HECW2: variants seen among roughly 807,000 people sequenced by gnomAD.
The protein encoded by HECW2 is E3 ubiquitin-protein ligase HECW2.
HECW2 carries 61 observed loss-of-function variants against 175.2 expected under a neutral mutation model. The observed-to-expected ratio is 0.35, with a 90% CI of 0.28 to 0.43. The LOEUF is 0.43. Ranked by LOEUF, HECW2 falls within the 20% of genes least tolerant of loss-of-function variation. HECW2 has a pLI of 1.00. For missense variants in HECW2, 1,524 were observed against 2,000.5 expected (o/e 0.76, Z 4.54); for synonymous variants, 671 against 731.0 (o/e 0.92, Z 1.32).
chr2:196,441,229 C>T (rs1696030886), intron 1 of HECW2, among the ~76,000 whole-genome samples: 1 of 152,150 alleles, frequency 6.6e-6, no homozygotes, highest in Admixed American at 6.5e-5. Flanking sequence ...TACTGAAAAA[C>T]ATTGTCAGAG....
chr2:196,534,673 T>A (rs1035866702), intron 1 of HECW2, among the ~76,000 whole-genome samples: 1 of 152,140 alleles, frequency 6.6e-6, no homozygotes, highest in African/African-American at 2.4e-5. Flanking sequence ...GATATAAATT[T>A]TTCAAAGAGC....
intron 1 of HECW2, among the ~76,000 whole-genome samples, chr2:196,522,141 T>C (rs868119314): frequency 0.012 from 1,835 of 151,250 alleles, 40 homozygotes; most frequent in African/African-American, 0.043. Context: ...CTCTCCAGCA[T>C]CTGTTGTTTC....
At chr2:196,544,659 A>T (rs1466499039) in intron 1 of HECW2, among the ~76,000 whole-genome samples, 2 of 152,230 alleles carry the variant, frequency 1.3e-5, no homozygotes, top group East Asian at 3.9e-4. Flanking sequence ...CAGCAAGTCA[A>T]ATCACAGGTC....
intron 2 of HECW2, among the ~76,000 whole-genome samples, chr2:196,400,670 T>C (rs1694792507): frequency 6.6e-6 from 1 of 152,148 alleles, no homozygotes; most frequent in South Asian, 2.1e-4. Flanking sequence ...TTGAAAATCA[T>C]GAAAACCTTA....
chr2:196,274,134 A>C lies in HECW2; in HGVS notation c.3136-11T>G. 6.2e-7 allele frequency: 1 copy of C among 1,603,882 alleles called. No individual in the cohort carries two copies. Among genetic ancestry groups the C allele is most frequent in the Non-Finnish European group, 8.5e-7 (1 of 1,170,824 alleles). On this transcript the variant is annotated splice_polypyrimidine_tract_variant and intron_variant, in intron 15 of 28. Transcript: ENST00000644978. ...AGAATCTTCTCCTACCTGCAAACAG[A>C]AGCATCATTTATGTTCTGCACCAAG...
At chr2:196,466,569 G>T (rs1696962933) in intron 1 of HECW2, among the ~76,000 whole-genome samples, 1 of 152,208 alleles carries the variant, frequency 6.6e-6, no homozygotes, top group South Asian at 2.1e-4. Context: ...AGAAGCAGGT[G>T]CAAAAATAAT....
intron 1 of HECW2, among the ~76,000 whole-genome samples, chr2:196,496,870 A>G (rs952536226): frequency 7.3e-5 from 11 of 151,242 alleles, no homozygotes; most frequent in African/African-American, 2.0e-4. Context: ...GCAGTTAACT[A>G]TAACTATACC....
At chr2:196,397,653 C>T (rs1057492571) in intron 2 of HECW2, among the ~76,000 whole-genome samples, 1 of 152,216 alleles carries the variant, frequency 6.6e-6, no homozygotes, top group African/African-American at 2.4e-5. Context: ...TACCAGACAG[C>T]ATCATTAGTT....
Position 196,199,425 on chromosome 2 carries a change from C to CTT in HECW2, c.*1850_*1851dup, listed in dbSNP as rs1250682428. ...CATTTCTTCACACTGCAGTACGTGC[C>CTT]TTTAGTGCAGGAGTGTAACATAAGT... On this transcript the variant is annotated 3_prime_UTR_variant, in exon 29 of 29. Coordinates refer to ENST00000644978, the MANE Select transcript of HECW2 (RefSeq NM_001348768.2). The CTT allele has an allele frequency of 6.6e-6, 1 of 152,458 alleles. No homozygotes were observed. The highest frequency in any genetic ancestry group is 1.9e-4 in the East Asian group (1 of 5,192). The allele number at this position is 152,458 out of a possible 1,614,324, so 9.4% of individuals were successfully genotyped here.
chr2:196,401,080 T>C (rs1174478025), intron 2 of HECW2, among the ~76,000 whole-genome samples: 1 of 152,232 alleles, frequency 6.6e-6, no homozygotes, highest in East Asian at 1.9e-4. Context: ...TCAAATTAAA[T>C]GCGCACATTC....
At chr2:196,326,363 C>T (rs1373905604) in intron 5 of HECW2, among the ~76,000 whole-genome samples, 1 of 152,150 alleles carries the variant, frequency 6.6e-6, no homozygotes, top group East Asian at 1.9e-4. Context: ...TGAAAACACT[C>T]CAGAAAGGTC....
intron 14 of HECW2, among the ~76,000 whole-genome samples, chr2:196,284,871 GAAA>G (rs1559010809): frequency 3.9e-5 from 6 of 152,108 alleles, no homozygotes; most frequent in African/African-American, 1.4e-4. Flanking sequence ...GAAAAATATG[GAAA>G]AATAGATCCT....
chr2:196,381,804 C>T (rs1226675423), intron 2 of HECW2, among the ~76,000 whole-genome samples: 1 of 152,082 alleles, frequency 6.6e-6, no homozygotes, highest in African/African-American at 2.4e-5. Flanking sequence ...ACACAGCTGA[C>T]ATTAGTCTTT....
intron 2 of HECW2, among the ~76,000 whole-genome samples, chr2:196,418,192 C>T (rs529253639): frequency 1.6e-4 from 25 of 151,794 alleles, no homozygotes; most frequent in Non-Finnish European, 3.1e-4. Context: ...GCAGTGGCAC[C>T]ATCTCGGCTC....
Position 196,319,427 on chromosome 2 carries a change from A to T in HECW2, c.1463T>A (p.Leu488Gln). 6.2e-7 allele frequency: 1 copy of T among 1,613,934 alleles called. No homozygotes were observed. Among genetic ancestry groups the T allele is most frequent in the Non-Finnish European group, 8.5e-7 (1 of 1,179,932 alleles). The change falls in exon 9 of 29, where the codon CTG (leucine) becomes CAG (glutamine). Residue 488 changes from leucine (L) to glutamine (Q), a missense_variant. Around this residue, in one of 11 missense-constraint regions of HECW2, gnomAD observed 604 missense variants for 588.3 expected, o/e 1.03. Transcript: ENST00000644978. ...YPSSLEEEGG[L>Q]IMFSRASRAD... The stretch of plus-strand genomic sequence containing the variant: ...TCTGGATGCCCTGCTAAACATGATC[A>T]GGCCTCCCTCCTCCTCCAAGGAAGA...
At chr2:196,246,469 C>T (rs945317139) in intron 19 of HECW2, among the ~76,000 whole-genome samples, 1 of 152,164 alleles carries the variant, frequency 6.6e-6, no homozygotes, top group Admixed American at 6.5e-5. Flanking sequence ...ACTGCAAGCT[C>T]CACCTCCCGG....
intron 2 of HECW2, among the ~76,000 whole-genome samples, chr2:196,374,002 A>G (rs1430133079): frequency 3.3e-5 from 5 of 151,396 alleles, no homozygotes; most frequent in African/African-American, 1.2e-4. Flanking sequence ...ACTGCACTCC[A>G]GCCTGGGCGA....
At chr2:196,415,843 C>G (rs1219513707) in intron 2 of HECW2, among the ~76,000 whole-genome samples, 2 of 152,112 alleles carry the variant, frequency 1.3e-5, no homozygotes, top group Non-Finnish European at 2.9e-5. Flanking sequence ...AGAAAAAAGT[C>G]TCAAAAAGAA....
At chr2:196,527,805 C>T (rs1688720997) in intron 1 of HECW2, among the ~76,000 whole-genome samples, 1 of 152,134 alleles carries the variant, frequency 6.6e-6, no homozygotes, top group South Asian at 2.1e-4. Context: ...TAGAAGGAGT[C>T]CACTTGAAAT....
Sources: gnomAD v4.1 joint callset for allele counts (sites outside exome capture counted in the v4.1 genomes callset) on GRCh38, gnomAD v4.1.1 for gene constraint, gnomAD v4.1.1 regional missense constraint, MANE v1.5 for transcripts, NCBI Gene and HGNC (gene_info 2026-07-23, HGNC 2026-07-21) for gene names.